The following SCRG1 variants were observed in gnomAD, a reference collection of about 807,000 sequenced individuals.
SCRG1 encodes the protein stimulator of chondrogenesis 1, also known as scrapie-responsive protein 1.
Under a neutral mutation model 7.7 loss-of-function variants are expected in SCRG1, and 3 were observed. The observed-to-expected ratio is 0.39, with a 90% CI of 0.18 to 1.01. The LOEUF is 1.01. Ranked by LOEUF, SCRG1 falls within the 50% of genes least tolerant of loss-of-function variation. The pLI is 0.36. For missense variants in SCRG1, 110 were observed against 117.2 expected, an observed-to-expected ratio of 0.94 and a Z score of 0.28; for synonymous variants, 46 against 41.2, an observed-to-expected ratio of 1.12 and a Z score of -0.44.
chr4:173,445,669 A>ATC, the SCRG1 span, among the ~76,000 whole-genome samples: 1 of 140,752 alleles, frequency 7.1e-6, no homozygotes. Context: ...CTTTAAGGAT[A>ATC]TTTTTTTTTT....
chr4:173,391,452 T>C (rs1208211632), intron 1 of SCRG1, 24 bp from the exon 2 acceptor site: 1 of 1,610,734 alleles, frequency 6.2e-7, no homozygotes, highest in South Asian at 1.1e-5. Context: ...AAGACCAAAA[T>C]GTGTCAATGT....
At chr4:173,482,980 A>T in the SCRG1 span, among the ~76,000 whole-genome samples, 6 of 132,238 alleles carry the variant, frequency 4.5e-5, no homozygotes, top group Non-Finnish European at 7.7e-5. Flanking sequence ...TATAATATAT[A>T]ATATATTATA....
the SCRG1 span, among the ~76,000 whole-genome samples, chr4:173,497,719 G>A: frequency 2.0e-5 from 3 of 147,760 alleles, no homozygotes; most frequent in South Asian, 6.5e-4. Context: ...CACTGAGGCT[G>A]GAGTGCAGTG....
At chr4:173,418,937 G>T in the SCRG1 span, among the ~76,000 whole-genome samples, 1 of 152,312 alleles carries the variant, frequency 6.6e-6, no homozygotes, top group East Asian at 1.9e-4. Flanking sequence ...ATAGCCTGCA[G>T]AACTGTGACT....
chr4:173,506,597 T>G, the SCRG1 span, among the ~76,000 whole-genome samples: 1 of 152,200 alleles, frequency 6.6e-6, no homozygotes, highest in South Asian at 2.1e-4. The surrounding 1 kb of genome is among the most constrained non-coding windows in gnomAD (Gnocchi z 5.3). Context: ...AATCAGTTCC[T>G]TCCCTCCTGT....
the SCRG1 span, among the ~76,000 whole-genome samples, chr4:173,516,427 C>CT: frequency 2.0e-5 from 3 of 152,174 alleles, no homozygotes; most frequent in African/African-American, 7.2e-5. Flanking sequence ...TTATTTTCCT[C>CT]CTTTTTTGAT....
At chr4:173,495,222 G>A in the SCRG1 span, among the ~76,000 whole-genome samples, 30 of 152,322 alleles carry the variant, frequency 2.0e-4, no homozygotes, top group African/African-American at 7.2e-4. Flanking sequence ...TGGTAATCAA[G>A]TTATCATTAT....
the SCRG1 span, among the ~76,000 whole-genome samples, chr4:173,436,378 G>A: frequency 1.3e-5 from 2 of 152,118 alleles, no homozygotes; most frequent in Admixed American, 1.3e-4. Flanking sequence ...GTGCTGCTCA[G>A]GACTGATGCT....
At chr4:173,429,648 C>T in the SCRG1 span, among the ~76,000 whole-genome samples, 1 of 152,132 alleles carries the variant, frequency 6.6e-6, no homozygotes, top group Non-Finnish European at 1.5e-5. Context: ...AGGAGCTGCT[C>T]TCTCCATATG....
At chr4:173,498,939 G>A in the SCRG1 span, among the ~76,000 whole-genome samples, 8 of 152,208 alleles carry the variant, frequency 5.3e-5, no homozygotes, top group African/African-American at 1.9e-4. Context: ...CCACTAGAAT[G>A]CTGGAAGATT....
the SCRG1 span, among the ~76,000 whole-genome samples, chr4:173,490,508 G>A: frequency 6.6e-6 from 1 of 152,088 alleles, no homozygotes; most frequent in African/African-American, 2.4e-5. Flanking sequence ...CAGGCCCTGC[G>A]GGTCATGGAC....
At chr4:173,497,961 T>C in the SCRG1 span, among the ~76,000 whole-genome samples, 1 of 152,190 alleles carries the variant, frequency 6.6e-6, no homozygotes, top group African/African-American at 2.4e-5. Context: ...ATTACAGGCG[T>C]GAACCACTGC....
the SCRG1 span, among the ~76,000 whole-genome samples, chr4:173,473,187 TG>T: frequency 6.6e-6 from 1 of 152,202 alleles, no homozygotes; most frequent in East Asian, 1.9e-4. Flanking sequence ...CTAGGCACTG[TG>T]CCAGGCATAT....
At chr4:173,443,888 C>T in the SCRG1 span, among the ~76,000 whole-genome samples, 14 of 150,164 alleles carry the variant, frequency 9.3e-5, no homozygotes, top group African/African-American at 2.9e-4. Flanking sequence ...TGTTCAGGAC[C>T]GTGTCATATA....
the SCRG1 span, among the ~76,000 whole-genome samples, chr4:173,418,504 TA>T: frequency 6.6e-6 from 1 of 152,236 alleles, no homozygotes; most frequent in Non-Finnish European, 1.5e-5. Flanking sequence ...AAATAGTTTT[TA>T]AAACCATTGA....
chr4:173,494,911 A>T, the SCRG1 span, among the ~76,000 whole-genome samples: 2 of 152,326 alleles, frequency 1.3e-5, no homozygotes, highest in South Asian at 4.1e-4. Flanking sequence ...TCTATCAACC[A>T]CCTATTCTGC....
At chr4:173,447,030 A>C in the SCRG1 span, among the ~76,000 whole-genome samples, 3 of 152,232 alleles carry the variant, frequency 2.0e-5, no homozygotes, top group African/African-American at 7.2e-5. Flanking sequence ...TTTATCTGCC[A>C]CTGTGAGCTT....
At chr4:173,419,642 T>C in the SCRG1 span, 2 of 737,110 alleles carry the variant, frequency 2.7e-6, no homozygotes, top group Non-Finnish European at 4.9e-6. Flanking sequence ...AAGGAATCGT[T>C]TGCTACTGTG....
chr4:173,417,099 AAC>A, the SCRG1 span, among the ~76,000 whole-genome samples: 15 of 146,836 alleles, frequency 1.0e-4, no homozygotes, highest in East Asian at 4.0e-4. Flanking sequence ...CATCACACAC[AAC>A]ACACACACAC....
Sources: gnomAD v4.1 joint callset for allele counts (sites outside exome capture counted in the v4.1 genomes callset) on GRCh38, gnomAD v4.1.1 for gene constraint, Gnocchi (gnomAD v3.1) non-coding constraint, MANE v1.5 for transcripts, NCBI Gene and HGNC (gene_info 2026-07-23, HGNC 2026-07-21) for gene names.